The following EGLN1 variants were observed in gnomAD, a reference collection of about 807,000 sequenced individuals.
EGLN1 encodes egl nine homolog 1.
Under a neutral mutation model 38.3 loss-of-function variants are expected in EGLN1, and 17 were observed. The ratio of observed to expected loss-of-function variants is 0.44; its 90% CI spans 0.30 to 0.67. The LOEUF (loss-of-function observed/expected upper bound fraction) is 0.67, where lower values mean the gene tolerates loss of function less well. Ranked by LOEUF, EGLN1 falls within the 30% of genes least tolerant of loss-of-function variation. EGLN1 has a pLI of 0.08. For missense variants in EGLN1, 477 were observed against 603.3 expected, an observed-to-expected ratio of 0.79 and a Z score of 2.19; for synonymous variants, 283 against 257.5, an observed-to-expected ratio of 1.10 and a Z score of -0.95.
chr1:231,385,905 C>A (rs1274873085), intron 1 of EGLN1, among the ~76,000 whole-genome samples: 1 of 152,132 alleles, frequency 6.6e-6, no homozygotes, highest in African/African-American at 2.4e-5. Context: ...TGCTGGAGTG[C>A]AGTGGCGTGA....
chr1:231,394,751 G>A (rs1000628933), intron 1 of EGLN1, among the ~76,000 whole-genome samples: 8 of 151,870 alleles, frequency 5.3e-5, no homozygotes, highest in African/African-American at 1.9e-4. Flanking sequence ...AGATAATTAA[G>A]GCAAACAAGC....
Position 231,421,480 on chromosome 1 carries a change from C to T in EGLN1, c.409G>A (p.Ala137Thr). Residue 137 changes from alanine (A) to threonine (T), a missense_variant, in exon 1 of 5, where the codon GCG becomes ACG. By Grantham distance (58) the Ala-to-Thr change is moderately conservative. Transcript: ENST00000366641. This position sits in a 1 kb window ranked among gnomAD's most constrained non-coding sequence, Gnocchi z 5.5. ...CRAAAGGQGS[A>T]VAAEAEPGKE... ...CCGGGCTCGGCTTCGGCAGCCACCG[C>T]CGAGCCCTGGCCGCCGGCGGCCGCA... 1 of 1,397,532 alleles carries T rather than the reference C, an allele frequency of 7.2e-7. No individual in the cohort carries two copies. The highest frequency in any genetic ancestry group is 9.3e-7 in the Non-Finnish European group (1 of 1,077,798). 86.6% of individuals were successfully genotyped at this position (1,397,532 alleles called of 1,614,324 possible).
chr1:231,365,900 A>G lies in EGLN1; in HGVS notation c.*511T>C, dbSNP rs1382393543. On this transcript the variant is annotated 3_prime_UTR_variant, in exon 5 of 5. Coordinates refer to ENST00000366641, the MANE Select transcript of EGLN1 (RefSeq NM_022051.3). The stretch of plus-strand genomic sequence containing the variant: ...AAATTAATCATCAGTCACTGGCAAC[A>G]ATCATTATTAAGAGGTCTTTTAGGG... 6.5e-6 allele frequency: 1 copy of G among 154,598 alleles called. No individual in the cohort carries two copies. Among genetic ancestry groups the G allele is most frequent in the East Asian group, 1.9e-4 (1 of 5,240 alleles). The allele number at this position is 154,598 out of a possible 1,614,324, so 9.6% of individuals were successfully genotyped here. A position where few individuals can be genotyped will look rare whatever the true frequency, so the allele number is the denominator to read the frequency against.
At chr1:231,380,032 G>A (rs1421489481) in intron 1 of EGLN1, among the ~76,000 whole-genome samples, 1 of 146,908 alleles carries the variant, frequency 6.8e-6, no homozygotes, top group African/African-American at 2.5e-5. Flanking sequence ...TCCAGGTGGG[G>A]ATGTTCAAAG....
intron 1 of EGLN1, among the ~76,000 whole-genome samples, chr1:231,416,781 T>C (rs533638522): frequency 1.3e-5 from 2 of 152,292 alleles, no homozygotes; most frequent in Admixed American, 6.5e-5. Context: ...TTGATCACAA[T>C]CTATTAAGAC....
chr1:231,397,939 G>C (rs922029492), intron 1 of EGLN1, among the ~76,000 whole-genome samples: 1 of 152,180 alleles, frequency 6.6e-6, no homozygotes, highest in African/African-American at 2.4e-5. Context: ...TGAAGAAACT[G>C]ATAAGCCCAT....
intron 1 of EGLN1, among the ~76,000 whole-genome samples, chr1:231,392,631 T>G (rs1288648764): frequency 1.3e-5 from 2 of 152,192 alleles, no homozygotes; most frequent in African/African-American, 4.8e-5. Flanking sequence ...TTGGAAATAA[T>G]GACAGTATAC....
rs74468834 is a variant in EGLN1 at position 231,378,237 on chromosome 1, A to G, written c.892-4138T>C. Among the ~76,000 whole-genome samples, 78 of 152,276 alleles carry G rather than the reference A, an allele frequency of 5.1e-4. 3 individuals carry two copies. The East Asian group carries it at 0.015, about 29-fold the overall frequency. On this transcript the variant is annotated intron_variant, in intron 1 of 4. Coordinates refer to ENST00000366641, the MANE Select transcript of EGLN1 (RefSeq NM_022051.3). ...CATGATTATAATTGTAAAAAGAATA[A>G]CACGAAAAATACCAACATAACCCTA...
chr1:231,380,085 C>A (rs1319551659), intron 1 of EGLN1, among the ~76,000 whole-genome samples: 1 of 152,032 alleles, frequency 6.6e-6, no homozygotes, highest in Non-Finnish European at 1.5e-5. Flanking sequence ...AAAGTCATGA[C>A]TGGAAATGTA....
At position 231,406,447 on chromosome 1, in the gene EGLN1, A is replaced by T. The variant is rs116826209; in HGVS notation, c.891+14551T>A. On this transcript the variant is annotated intron_variant, in intron 1 of 4. Coordinates refer to ENST00000366641, the MANE Select transcript of EGLN1 (RefSeq NM_022051.3). ...AGAGAAGACATTATCACTATATGGTAGTTTCCATCCTGGTATATACCGGTT... is the reference window on the plus strand; with the variant it reads ...AGAGAAGACATTATCACTATATGGTTGTTTCCATCCTGGTATATACCGGTT... Among the ~76,000 whole-genome samples the T allele has an allele frequency of 2.3e-3, 355 of 152,180 alleles. 2 individuals carry two copies. The highest frequency in any genetic ancestry group is 8.4e-3 in the African/African-American group (349 of 41,554).
intron 1 of EGLN1, among the ~76,000 whole-genome samples, chr1:231,413,648 A>T (rs534789891): frequency 6.6e-6 from 1 of 152,298 alleles, no homozygotes; most frequent in East Asian, 1.9e-4. Context: ...CTAGAAGATA[A>T]GGTCCATGAG....
chr1:231,370,773 G>C (rs1687801396), intron 2 of EGLN1, 75 bp from the exon 3 acceptor site: 1 of 1,515,698 alleles, frequency 6.6e-7, no homozygotes, highest in Admixed American at 1.7e-5. Flanking sequence ...GAAAAAAAGA[G>C]ACAATTTCAA....
intron 1 of EGLN1, among the ~76,000 whole-genome samples, chr1:231,394,209 A>T (rs1423244495): frequency 1.3e-5 from 2 of 152,186 alleles, no homozygotes; most frequent in Non-Finnish European, 2.9e-5. Flanking sequence ...CACTGGAAAA[A>T]GTTATAATTA....
At chr1:231,418,897 T>C (rs1365869718) in intron 1 of EGLN1, among the ~76,000 whole-genome samples, 1 of 152,014 alleles carries the variant, frequency 6.6e-6, no homozygotes, top group Non-Finnish European at 1.5e-5. Context: ...ATTGTATCTG[T>C]ATTGATCCTA....
intron 1 of EGLN1, among the ~76,000 whole-genome samples, chr1:231,392,058 C>T (rs933410897): frequency 6.6e-6 from 1 of 152,068 alleles, no homozygotes; most frequent in African/African-American, 2.4e-5. Context: ...GAGGCCTAGG[C>T]GGGCGGATCA....
At chr1:231,406,029 C>CT (rs777315311) in intron 1 of EGLN1, among the ~76,000 whole-genome samples, 1,876 of 68,692 alleles carry the variant, frequency 0.027, 34 homozygotes, top group Middle Eastern at 0.073. Flanking sequence ...ATTACTAAGG[C>CT]TTTTTTTTTT....
chr1:231,385,880 A>G (rs1688192576), intron 1 of EGLN1, among the ~76,000 whole-genome samples: 1 of 152,192 alleles, frequency 6.6e-6, no homozygotes, highest in African/African-American at 2.4e-5. Flanking sequence ...TTCCTGAGAC[A>G]CGGTCTTGCT....
At chr1:231,382,826 G>A (rs916123971) in intron 1 of EGLN1, among the ~76,000 whole-genome samples, 1 of 152,126 alleles carries the variant, frequency 6.6e-6, no homozygotes, top group African/African-American at 2.4e-5. Flanking sequence ...GGGAGGCCGA[G>A]GCAGGTGGAT....
intron 1 of EGLN1, among the ~76,000 whole-genome samples, chr1:231,407,644 G>C (rs1223726310): frequency 2.0e-5 from 3 of 152,230 alleles, no homozygotes; most frequent in Admixed American, 2.0e-4. Flanking sequence ...AGGGACATAA[G>C]ATATGCAGGC....
Sources: gnomAD v4.1 joint callset for allele counts (sites outside exome capture counted in the v4.1 genomes callset) on GRCh38, gnomAD v4.1.1 for gene constraint, Gnocchi (gnomAD v3.1) non-coding constraint, MANE v1.5 for transcripts, NCBI Gene and HGNC (gene_info 2026-07-23, HGNC 2026-07-21) for gene names.